DENND2A: variants seen among roughly 807,000 people sequenced by gnomAD.
The protein encoded by DENND2A is DENN domain containing 2A, also known as DENN domain-containing protein 2A.
DENND2A carries 53 observed loss-of-function variants against 105.3 expected under a neutral mutation model. The ratio of observed to expected loss-of-function variants is 0.50; its 90% CI spans 0.40 to 0.63. The LOEUF (loss-of-function observed/expected upper bound fraction) is 0.63. Ranked by LOEUF, DENND2A falls within the 30% of genes least tolerant of loss-of-function variation. DENND2A has a pLI of 0.00. For missense variants in DENND2A, 1,138 were observed against 1,279.6 expected, an observed-to-expected ratio of 0.89 and a Z score of 1.69; for synonymous variants, 522 against 508.4, an observed-to-expected ratio of 1.03 and a Z score of -0.36.
chr7:140,538,441 C>T (rs1295030694), intron 14 of DENND2A, among the ~76,000 whole-genome samples: 4 of 152,162 alleles, frequency 2.6e-5, no homozygotes, highest in African/African-American at 9.7e-5. Context: ...AGTGCATGTG[C>T]AGCCCCAGGA....
intron 14 of DENND2A, among the ~76,000 whole-genome samples, chr7:140,530,634 GAA>G (rs534845648): frequency 6.9e-6 from 1 of 144,264 alleles, no homozygotes; most frequent in Non-Finnish European, 1.5e-5. Context: ...AAGATACCAA[GAA>G]AAAAAAAAGA....
chr7:140,519,549 C>G, intron 19 of DENND2A, 83 bp downstream of exon 19: 1 of 1,257,592 alleles, frequency 8.0e-7, no homozygotes, highest in Admixed American at 1.8e-5. Flanking sequence ...AGGGCGCTGG[C>G]TCCAGTGGAG....
At chr7:140,599,757 A>C (rs973968608) in intron 3 of DENND2A, among the ~76,000 whole-genome samples, 1 of 152,134 alleles carries the variant, frequency 6.6e-6, no homozygotes, top group Admixed American at 6.5e-5. Flanking sequence ...TGAAGAGAAC[A>C]CAAGAAATTA....
chr7:140,631,790 G>A (rs1220217150), intron 1 of DENND2A, among the ~76,000 whole-genome samples: 3 of 152,154 alleles, frequency 2.0e-5, no homozygotes, highest in African/African-American at 7.2e-5. Context: ...AGAGTATTAA[G>A]TAGAGAATCC....
At chr7:140,592,947 A>G (rs1284329795) in intron 3 of DENND2A, among the ~76,000 whole-genome samples, 1 of 152,174 alleles carries the variant, frequency 6.6e-6, no homozygotes, top group African/African-American at 2.4e-5. Context: ...CAGGGACATC[A>G]GTCCTCCCCT....
intron 1 of DENND2A, among the ~76,000 whole-genome samples, chr7:140,628,638 C>T (rs895034854): frequency 6.8e-6 from 1 of 146,742 alleles, no homozygotes; most frequent in Non-Finnish European, 1.5e-5. Context: ...CTCCCAGGTT[C>T]AAGGCATTCT....
chr7:140,552,756 A>G (rs1204000075), intron 12 of DENND2A, among the ~76,000 whole-genome samples: 1 of 151,954 alleles, frequency 6.6e-6, no homozygotes, highest in East Asian at 1.9e-4. Flanking sequence ...CCCAGGCTGG[A>G]GTGCAGTGAT....
At chr7:140,616,934 T>C (rs1352173415) in intron 1 of DENND2A, among the ~76,000 whole-genome samples, 3 of 152,236 alleles carry the variant, frequency 2.0e-5, no homozygotes, top group Non-Finnish European at 4.4e-5. Flanking sequence ...CTCAGCTCAC[T>C]GCAACCTCTG....
chr7:140,548,675 A>G (rs1463930286), intron 12 of DENND2A, among the ~76,000 whole-genome samples: 6 of 150,984 alleles, frequency 4.0e-5, no homozygotes, highest in African/African-American at 1.5e-4. Context: ...GTGCAGTGGC[A>G]TGATCTCGGC....
chr7:140,622,751 A>T (rs967328888), intron 1 of DENND2A, among the ~76,000 whole-genome samples: 52 of 151,724 alleles, frequency 3.4e-4, no homozygotes, highest in African/African-American at 1.3e-3. Context: ...TCTTATTTTT[A>T]TGTGGAGATG....
chr7:140,588,239 C>T lies in DENND2A; in HGVS notation c.996-459G>A, dbSNP rs144153268. Among the ~76,000 whole-genome samples the T allele has an allele frequency of 3.9e-3, 590 of 152,134 alleles. 2 individuals carry two copies. Among genetic ancestry groups the T allele is most frequent in the Middle Eastern group, 0.01 (3 of 294 alleles). ...CTGTTATTGTAAAAGGTGTGAAAATCCATGAATAAGAGATGTGGCTTTTAT... is the reference window on the plus strand; with the variant it reads ...CTGTTATTGTAAAAGGTGTGAAAATTCATGAATAAGAGATGTGGCTTTTAT... On this transcript the variant is annotated intron_variant, in intron 3 of 19. Transcript: ENST00000496613.
At chr7:140,621,510 T>C (rs533080873) in intron 1 of DENND2A, among the ~76,000 whole-genome samples, 12 of 149,642 alleles carry the variant, frequency 8.0e-5, no homozygotes, top group Non-Finnish European at 1.3e-4. Context: ...TGTACACATC[T>C]GCAATGTAAC....
At chr7:140,553,535 G>C (rs189649119) in intron 12 of DENND2A, among the ~76,000 whole-genome samples, 1 of 152,148 alleles carries the variant, frequency 6.6e-6, no homozygotes, top group Non-Finnish European at 1.5e-5. Context: ...TATGGGTGTC[G>C]GGCTGGGGGA....
At chr7:140,603,843 G>A (rs1289955703) in intron 2 of DENND2A, among the ~76,000 whole-genome samples, 1 of 152,188 alleles carries the variant, frequency 6.6e-6, no homozygotes, top group African/African-American at 2.4e-5. Flanking sequence ...TGTGGCTGAT[G>A]GCTACCGTAC....
intron 19 of DENND2A, 82 bp downstream of exon 19, chr7:140,519,550 T>C: frequency 7.9e-7 from 1 of 1,265,406 alleles, no homozygotes; most frequent in Non-Finnish European, 1.1e-6. Context: ...GGGCGCTGGC[T>C]CCAGTGGAGG....
chr7:140,535,105 C>T (rs959956441), intron 14 of DENND2A, among the ~76,000 whole-genome samples: 4 of 152,142 alleles, frequency 2.6e-5, no homozygotes, highest in Non-Finnish European at 4.4e-5. Flanking sequence ...GCTTCCAACT[C>T]TCTATGAAGC....
In DENND2A at chr7:140,558,154, G is replaced by A; in HGVS notation, c.1948C>T (p.Arg650Ter). 6.2e-7 allele frequency: 1 copy of A among 1,613,432 alleles called. No individual in the cohort carries two copies. The highest frequency in any genetic ancestry group is 8.5e-7 in the Non-Finnish European group (1 of 1,179,458). Residue 650 changes from arginine (R) to a stop codon, truncating the protein, a stop_gained, in exon 11 of 20, where the codon CGA becomes TGA. Transcript: ENST00000496613. LOFTEE classifies it high-confidence loss of function. ...EDGSRRFGYC[R>*]RLLPGGKGKR... is the part of the protein sequence containing the mutation. ...CAGAATGTACTCACCAGCAGTCTTC[G>A]GCAGTAACCGAACCTTCTGCTCCCA... is the stretch of plus-strand genomic sequence containing the variant.
intron 14 of DENND2A, among the ~76,000 whole-genome samples, chr7:140,531,680 T>C (rs997196147): frequency 4.0e-5 from 6 of 151,690 alleles, no homozygotes; most frequent in African/African-American, 1.2e-4. Flanking sequence ...TCGGGCATGG[T>C]GGCGTGTGCC....
At chr7:140,593,554 A>G (rs1799151317) in intron 3 of DENND2A, among the ~76,000 whole-genome samples, 3 of 152,202 alleles carry the variant, frequency 2.0e-5, no homozygotes, top group Admixed American at 6.5e-5. Context: ...AGCTCCTCCC[A>G]TTTGGACAAT....
Sources: gnomAD v4.1 joint callset for allele counts (sites outside exome capture counted in the v4.1 genomes callset) on GRCh38, gnomAD v4.1.1 for gene constraint, MANE v1.5 for transcripts, NCBI Gene and HGNC (gene_info 2026-07-23, HGNC 2026-07-21) for gene names.